ADAM23: variants seen among roughly 807,000 people sequenced by gnomAD.
The protein encoded by ADAM23 is ADAM metallopeptidase domain 23.
ADAM23 carries 33 observed loss-of-function variants against 120.1 expected under a neutral mutation model. That is an observed-to-expected ratio of 0.27 (90% confidence interval 0.21 to 0.37). The LOEUF (loss-of-function observed/expected upper bound fraction) is 0.37. Among genes scored for constraint, ADAM23 ranks in the 10% least tolerant of loss-of-function variants. The probability of loss-of-function intolerance (pLI) is 1.00; values close to 1 mark genes in which losing one functional copy is unlikely to be tolerated. For synonymous variants in ADAM23, 367 were observed against 375.2 expected (o/e 0.98, Z 0.25); for missense variants, 862 against 1,058.2 (o/e 0.81, Z 2.57).
intron 2 of ADAM23, among the ~76,000 whole-genome samples, chr2:206,463,940 C>T (rs987361182): frequency 6.6e-6 from 1 of 152,204 alleles, no homozygotes; most frequent in African/African-American, 2.4e-5. Context: ...CATCAAATGA[C>T]ATTTCAAAAG....
intron 9 of ADAM23, among the ~76,000 whole-genome samples, chr2:206,554,354 G>A (rs1697595638): frequency 1.3e-5 from 2 of 152,114 alleles, no homozygotes; most frequent in Non-Finnish European, 1.5e-5. Flanking sequence ...AGCTGCTTAA[G>A]TTAAAAATAA....
intron 2 of ADAM23, among the ~76,000 whole-genome samples, chr2:206,454,536 A>G (rs901515895): frequency 1.3e-5 from 2 of 152,190 alleles, no homozygotes; most frequent in Admixed American, 6.5e-5. Flanking sequence ...ATACCTTCCA[A>G]CAGTTCCCCC....
At chr2:206,545,891 A>G (rs530091721) in intron 6 of ADAM23, among the ~76,000 whole-genome samples, 3 of 152,236 alleles carry the variant, frequency 2.0e-5, no homozygotes, top group Non-Finnish European at 4.4e-5. Context: ...AACAAAACAC[A>G]GATTCCCAAA....
chr2:206,468,654 C>G (rs1420344443), intron 2 of ADAM23, among the ~76,000 whole-genome samples: 1 of 152,172 alleles, frequency 6.6e-6, no homozygotes, highest in Non-Finnish European at 1.5e-5. Context: ...CCAAACTCTT[C>G]CAGCCTCTGC....
chr2:206,481,136 C>G, intron 2 of ADAM23, 96 bp from the exon 3 acceptor site: 5 of 868,932 alleles, frequency 5.8e-6, no homozygotes, highest in Non-Finnish European at 8.7e-6. Flanking sequence ...TGAACTGATA[C>G]ATAAAAGTTA....
chr2:206,475,071 A>G lies in ADAM23; in HGVS notation c.433-6161A>G, dbSNP rs1429656400. 2.6e-5 allele frequency among the ~76,000 whole-genome samples: 4 copies of G among 152,204 alleles called. No individual in the cohort carries two copies. The East Asian group carries it at 5.8e-4, about 22-fold the overall frequency. On this transcript the variant is annotated intron_variant, in intron 2 of 25. Coordinates refer to ENST00000264377, the MANE Select transcript of ADAM23 (RefSeq NM_003812.4). ...TTGATCTATGACCTTGGACAATAACATTAGTTAATCTCTCTCTGCCCTTTA... is the reference window on the plus strand; with the variant it reads ...TTGATCTATGACCTTGGACAATAACGTTAGTTAATCTCTCTCTGCCCTTTA...
chr2:206,461,223 G>A (rs997578316), intron 2 of ADAM23, among the ~76,000 whole-genome samples: 4 of 151,742 alleles, frequency 2.6e-5, no homozygotes, highest in Middle Eastern at 3.4e-3. Flanking sequence ...CACCACACCT[G>A]GCTAATTTTT....
At chr2:206,509,370 A>C (rs1696573230) in intron 3 of ADAM23, among the ~76,000 whole-genome samples, 1 of 152,214 alleles carries the variant, frequency 6.6e-6, no homozygotes, top group African/African-American at 2.4e-5. Flanking sequence ...GATATTTTAA[A>C]TATAAATGAT....
intron 3 of ADAM23, among the ~76,000 whole-genome samples, chr2:206,505,017 A>C (rs904834097): frequency 3.9e-5 from 6 of 152,250 alleles, no homozygotes; most frequent in Non-Finnish European, 7.3e-5. Context: ...TGAGGTCTTC[A>C]GTACCAGATT....
intron 18 of ADAM23, among the ~76,000 whole-genome samples, chr2:206,575,254 C>A (rs939204674): frequency 5.3e-5 from 8 of 152,116 alleles, no homozygotes; most frequent in Non-Finnish European, 1.2e-4. Context: ...AGAATCAGGG[C>A]AGGTAGGGAC....
chr2:206,505,451 A>T (rs1574502408), intron 3 of ADAM23, among the ~76,000 whole-genome samples: 1 of 152,326 alleles, frequency 6.6e-6, no homozygotes, highest in African/African-American at 2.4e-5. Context: ...AAAGAGGTTT[A>T]ACTGGCTCTT....
At chr2:206,520,257 A>G (rs1264490789) in intron 3 of ADAM23, among the ~76,000 whole-genome samples, 1 of 152,166 alleles carries the variant, frequency 6.6e-6, no homozygotes, top group Non-Finnish European at 1.5e-5. Context: ...TTCCAGGCTC[A>G]GGTTGTGGTG....
intron 2 of ADAM23, 143 bp from the exon 3 acceptor site, chr2:206,481,089 A>G (rs1695885914): frequency 3.8e-6 from 2 of 529,486 alleles, no homozygotes; most frequent in African/African-American, 2.0e-5. Flanking sequence ...CTAGTCTCCT[A>G]AAGAAATGAA....
At chr2:206,578,838 C>G (rs913052334) in intron 18 of ADAM23, among the ~76,000 whole-genome samples, 1 of 152,138 alleles carries the variant, frequency 6.6e-6, no homozygotes, top group African/African-American at 2.4e-5. Flanking sequence ...AGTGGCGGTA[C>G]TAGTTTACAT....
intron 23 of ADAM23, among the ~76,000 whole-genome samples, chr2:206,595,741 A>G (rs1004806029): frequency 2.0e-5 from 3 of 152,236 alleles, no homozygotes; most frequent in African/African-American, 7.2e-5. Flanking sequence ...TACTTATGTA[A>G]TATCATGATT....
intron 2 of ADAM23, among the ~76,000 whole-genome samples, chr2:206,465,882 T>C (rs1189767923): frequency 1.3e-5 from 2 of 152,212 alleles, no homozygotes; most frequent in Non-Finnish European, 2.9e-5. Context: ...AATTTCACAA[T>C]ATAAACTTTA....
chr2:206,550,277 T>C, intron 9 of ADAM23, 117 bp downstream of exon 9: 1 of 501,536 alleles, frequency 2.0e-6, no homozygotes, highest in Non-Finnish European at 3.3e-6. Flanking sequence ...TCAGACATAT[T>C]AAGTGACTTG....
intron 3 of ADAM23, among the ~76,000 whole-genome samples, chr2:206,506,009 T>C (rs1459222823): frequency 6.6e-6 from 1 of 152,168 alleles, no homozygotes; most frequent in Non-Finnish European, 1.5e-5. Flanking sequence ...CTTGGGAAGG[T>C]CCAGCCCTTT....
At chr2:206,599,664 T>A (rs1052679257) in intron 24 of ADAM23, among the ~76,000 whole-genome samples, 2 of 152,264 alleles carry the variant, frequency 1.3e-5, no homozygotes, top group African/African-American at 4.8e-5. Flanking sequence ...ATTGACTGTC[T>A]ACTATTTAAA....
Sources: gnomAD v4.1 joint callset for allele counts (sites outside exome capture counted in the v4.1 genomes callset) on GRCh38, gnomAD v4.1.1 for gene constraint, MANE v1.5 for transcripts, NCBI Gene and HGNC (gene_info 2026-07-23, HGNC 2026-07-21) for gene names.